Variants in PREX2 observed in about 807,000 individuals in gnomAD.
The protein encoded by PREX2 is phosphatidylinositol-3,4,5-trisphosphate dependent Rac exchange factor 2.
PREX2 carries 107 observed loss-of-function variants against 203.2 expected under a neutral mutation model. That is an observed-to-expected ratio of 0.53 (90% CI 0.45 to 0.62). The LOEUF is 0.62. Among genes scored for constraint, PREX2 ranks in the 20% least tolerant of loss-of-function variants. PREX2 has a pLI of 0.00. For synonymous variants in PREX2, 672 were observed against 663.6 expected, an observed-to-expected ratio of 1.01 and a Z score of -0.19; for missense variants, 1,777 against 1,955.9, an observed-to-expected ratio of 0.91 and a Z score of 1.72.
chr8:68,158,532 G>A (rs909371315), intron 35 of PREX2, among the ~76,000 whole-genome samples: 1 of 152,038 alleles, frequency 6.6e-6, no homozygotes, highest in African/African-American at 2.4e-5. Flanking sequence ...TGTTTGTCAG[G>A]CATTCTCACT....
At chr8:68,158,395 C>T (rs1052106376) in intron 35 of PREX2, among the ~76,000 whole-genome samples, 1 of 151,892 alleles carries the variant, frequency 6.6e-6, no homozygotes. Flanking sequence ...TTATTTGGGC[C>T]AAGCTTGAGA....
At chr8:68,177,205 T>A (rs1465732677) in intron 35 of PREX2, 1 of 152,268 alleles carries the variant, frequency 6.6e-6, no homozygotes, top group South Asian at 2.1e-4. Context: ...TGCTACCAGA[T>A]TCTGTAGGCA....
intron 1 of PREX2, among the ~76,000 whole-genome samples, chr8:67,970,150 T>C (rs531464362): frequency 6.6e-6 from 1 of 152,296 alleles, no homozygotes; most frequent in Admixed American, 6.5e-5. Context: ...TTTATTGACC[T>C]GATGGTGTAT....
intron 34 of PREX2, among the ~76,000 whole-genome samples, chr8:68,147,691 C>A (rs1192804183): frequency 6.6e-6 from 1 of 152,100 alleles, no homozygotes; most frequent in Non-Finnish European, 1.5e-5. Context: ...ATTTTAAAAC[C>A]CTGAATTCAA....
At chr8:68,022,195 A>G (rs1807589072) in intron 4 of PREX2, 55 bp downstream of exon 4, 2 of 878,290 alleles carry the variant, frequency 2.3e-6, no homozygotes, top group Non-Finnish European at 3.9e-6. Flanking sequence ...AGATCCAGTG[A>G]GAGCCAAGGA....
chr8:68,100,172 A>C (rs767439496), intron 23 of PREX2: 1 of 479,894 alleles, frequency 2.1e-6, no homozygotes, highest in South Asian at 1.5e-5. Context: ...AAATTATACT[A>C]TAGTTCTTCT....
At chr8:68,164,799 C>T (rs1043969735) in intron 35 of PREX2, among the ~76,000 whole-genome samples, 49 of 151,488 alleles carry the variant, frequency 3.2e-4, no homozygotes, top group African/African-American at 1.2e-3. Flanking sequence ...TCAGGCTGGT[C>T]TCGAACTCCC....
intron 1 of PREX2, among the ~76,000 whole-genome samples, chr8:67,977,431 A>C (rs1563480811): frequency 6.6e-6 from 1 of 152,202 alleles, no homozygotes. Context: ...ATTATTAATA[A>C]ATTTCACCAG....
At chr8:68,228,158 T>C (rs750476183) in intron 39 of PREX2, among the ~76,000 whole-genome samples, 1 of 152,186 alleles carries the variant, frequency 6.6e-6, no homozygotes, top group Non-Finnish European at 1.5e-5. Flanking sequence ...AAGCCCCTCT[T>C]CCTCAGGAAC....
At chr8:68,205,299 C>CT (rs139279923) in intron 37 of PREX2, among the ~76,000 whole-genome samples, 1 of 152,020 alleles carries the variant, frequency 6.6e-6, no homozygotes, top group Non-Finnish European at 1.5e-5. Context: ...TCTGTTTGTC[C>CT]TTTTTTTCTC....
rs769818272 is a variant in PREX2 at position 68,038,227 on chromosome 8, A to C, written c.774A>C (p.Gly258=). The change falls in exon 7 of 40, where the codon GGA becomes GGC. Residue 258 remains glycine, a synonymous_variant. Coordinates refer to ENST00000288368, the MANE Select transcript of PREX2 (RefSeq NM_024870.4). ...MCGVLLKISS[G]NIQERVFFLF... ...GAGTCTTACTGAAAATTTCTTCTGG[A>C]AATATTCAAGAACGGGTGTTTTTTC... 6.2e-7 allele frequency: 1 copy of C among 1,613,946 alleles called. No individual in the cohort carries two copies. Among genetic ancestry groups the C allele is most frequent in the South Asian group, 1.1e-5 (1 of 91,082 alleles).
intron 30 of PREX2, 32 bp from the exon 31 acceptor site, chr8:68,127,346 A>G: frequency 1.3e-6 from 2 of 1,548,776 alleles, no homozygotes; most frequent in Non-Finnish European, 1.8e-6. Context: ...GAAAGAGTGA[A>G]CAATTAACTG....
At chr8:67,955,666 C>G (rs1805479222) in intron 1 of PREX2, among the ~76,000 whole-genome samples, 1 of 152,174 alleles carries the variant, frequency 6.6e-6, no homozygotes, top group South Asian at 2.1e-4. Flanking sequence ...GACATACCAC[C>G]TTGTGTGCCT....
At chr8:68,085,470 C>A (rs1339875427) in intron 18 of PREX2, among the ~76,000 whole-genome samples, 1 of 151,982 alleles carries the variant, frequency 6.6e-6, no homozygotes, top group African/African-American at 2.4e-5. Flanking sequence ...TAAGTAGTAT[C>A]CCATTTTGAG....
intron 1 of PREX2, among the ~76,000 whole-genome samples, chr8:67,985,852 C>T (rs922051331): frequency 2.6e-5 from 4 of 152,302 alleles, no homozygotes; most frequent in East Asian, 1.9e-4. Flanking sequence ...TCCATGCAAG[C>T]GACCTGTGTT....
chr8:68,034,326 AG>A (rs1807971420), intron 6 of PREX2, among the ~76,000 whole-genome samples: 1 of 152,252 alleles, frequency 6.6e-6, no homozygotes, highest in African/African-American at 2.4e-5. Context: ...GTTTAATCAG[AG>A]TCACTGATTC....
chr8:68,091,185 G>A (rs1809863705), intron 20 of PREX2, among the ~76,000 whole-genome samples: 1 of 152,164 alleles, frequency 6.6e-6, no homozygotes, highest in Admixed American at 6.5e-5. Context: ...TAGGTAACTG[G>A]ATTTAGCTCT....
chr8:67,979,203 T>C (rs546791956), intron 1 of PREX2, among the ~76,000 whole-genome samples: 25 of 152,330 alleles, frequency 1.6e-4, no homozygotes, highest in Non-Finnish European at 2.5e-4. Context: ...CTTGTTAGGA[T>C]AGAAGTAACA....
Position 67,966,201 on chromosome 8 carries a change from G to A in PREX2, c.141+13666G>A, listed in dbSNP as rs180777149. ...GATGTTGTGAAAATATAAGCAAACC[G>A]TAATGAGAGATCTAGGTAGTCAGCT... On this transcript the variant is annotated intron_variant, in intron 1 of 39. Transcript: ENST00000288368. Among the ~76,000 whole-genome samples, 34 of 152,226 alleles carry A rather than the reference G, an allele frequency of 2.2e-4. No individual in the cohort carries two copies. The East Asian group carries it at 4.4e-3, about 20-fold the overall frequency.
Sources: allele counts gnomAD v4.1 joint callset (sites outside exome capture counted in the v4.1 genomes callset), GRCh38; gene constraint gnomAD v4.1.1; transcripts MANE v1.5; gene names NCBI Gene and HGNC (gene_info 2026-07-23, HGNC 2026-07-21).